Variants in KPNB1 observed in about 807,000 individuals in gnomAD.
KPNB1 encodes karyopherin subunit beta 1, also known as importin subunit beta-1.
In KPNB1, 7 loss-of-function variants were observed where a neutral mutation model predicts 113.0. The ratio of observed to expected loss-of-function variants is 0.06; its 90% CI spans 0.04 to 0.12. KPNB1 has a LOEUF of 0.12. Ranked by LOEUF, KPNB1 falls within the 10% of genes least tolerant of loss-of-function variation. KPNB1 has a pLI of 1.00. For missense variants in KPNB1, 400 were observed against 1,054.8 expected (o/e 0.38, Z 8.60); for synonymous variants, 363 against 378.6 (o/e 0.96, Z 0.48).
At chr17:47,656,374 C>T (rs1162321113) in intron 3 of KPNB1, among the ~76,000 whole-genome samples, 6 of 152,040 alleles carry the variant, frequency 3.9e-5, no homozygotes, top group Admixed American at 3.9e-4. Context: ...GGGAGACCCC[C>T]ATCTCTACTA....
intron 15 of KPNB1, 108 bp downstream of exon 15, chr17:47,674,890 C>T: frequency 2.6e-6 from 3 of 1,155,840 alleles, no homozygotes; most frequent in Non-Finnish European, 3.7e-6. Context: ...GATCTTGGCG[C>T]ACTGCAGCCT....
In KPNB1 at chr17:47,680,491, GTGTT is replaced by G; in HGVS notation, c.2469-11_2469-8del. 4.3e-6 allele frequency: 7 copies of G among 1,613,764 alleles called. No individual in the cohort carries two copies. The highest frequency in any genetic ancestry group is 5.9e-6 in the Non-Finnish European group (7 of 1,179,740). On this transcript the variant is annotated splice_polypyrimidine_tract_variant and intron_variant, in intron 20 of 21. Coordinates refer to ENST00000290158, the MANE Select transcript of KPNB1 (RefSeq NM_002265.6). ...TGGGGCTAGGAGCTCATTCTCAGCTGTGTTTGTTTTGCACAGGGACTTATGTACA... is the reference window on the plus strand; with the variant it reads ...TGGGGCTAGGAGCTCATTCTCAGCTGTGTTTTGCACAGGGACTTATGTACA...
At chr17:47,677,298 G>A (rs944048429) in intron 17 of KPNB1, among the ~76,000 whole-genome samples, 171 bp downstream of exon 17, 3 of 151,806 alleles carry the variant, frequency 2.0e-5, no homozygotes, top group African/African-American at 7.3e-5. Flanking sequence ...GTGAAACCCC[G>A]TCTGTACTGT....
chr17:47,655,165 A>G (rs896635007), intron 3 of KPNB1, among the ~76,000 whole-genome samples: 6 of 152,196 alleles, frequency 3.9e-5, no homozygotes, highest in Admixed American at 1.3e-4. Flanking sequence ...AGAACAGTTA[A>G]CTGTTTGCCT....
Position 47,674,736 on chromosome 17 carries a change from G to C in KPNB1, c.1866G>C (p.Gly622=). 1 of 1,614,152 alleles carries C rather than the reference G, an allele frequency of 6.2e-7. No individual in the cohort carries two copies. Among genetic ancestry groups the C allele is most frequent in the East Asian group, 2.2e-5 (1 of 44,876 alleles). Residue 622 remains glycine (G), a synonymous_variant, in exon 15 of 22, where the codon GGG becomes GGC. Transcript: ENST00000290158. ...TGTTCCAAAGCACAGCTGGGTCTGG[G>C]GGAGTACAAGAGGATGCCCTGATGG... ...LRMFQSTAGS[G]GVQEDALMAV...
In KPNB1 at chr17:47,652,819, A is replaced by G. The variant is rs1915616061; in HGVS notation, c.225A>G (p.Gln75=). 1.9e-6 allele frequency: 3 copies of G among 1,612,300 alleles called. No homozygotes were observed. The highest frequency in any genetic ancestry group is 1.7e-5 in the Admixed American group (1 of 59,474). The part of the protein sequence containing the change: ...LTSKDPDIKA[Q]YQQRWLAIDA... ...CTAAAGATCCAGATATCAAGGCACA[A>G]TATCAGCAGAGGTGGCTTGCTATTG... is the stretch of plus-strand genomic sequence containing the variant. Residue 75 remains glutamine, a synonymous_variant, in exon 3 of 22, where the codon CAA becomes CAG. Transcript: ENST00000290158.
intron 5 of KPNB1, among the ~76,000 whole-genome samples, chr17:47,660,184 C>A (rs114195093): frequency 6.6e-6 from 1 of 152,050 alleles, no homozygotes; most frequent in Non-Finnish European, 1.5e-5. Context: ...ACTACTCTAA[C>A]GAAATACCTT....
intron 16 of KPNB1, 27 bp from the exon 17 acceptor site, chr17:47,676,993 G>T: frequency 6.3e-7 from 1 of 1,582,294 alleles, no homozygotes; most frequent in Non-Finnish European, 8.7e-7. Flanking sequence ...TTTTCTGTTA[G>T]AAGATTATTT....
chr17:47,673,042 G>A lies in KPNB1; in HGVS notation c.1572G>A (p.Leu524=). The change falls in exon 13 of 22, where the codon CTG becomes CTA. Residue 524 remains leucine, a synonymous_variant. Transcript: ENST00000290158. ...TDRPDGHQNN[L]RSSAYESLME... Reference sequence around the variant, plus strand: ...GACCTGATGGACACCAGAACAACCTGAGGAGTTCTGCATATGAATCTCTGA... The same window carrying A: ...GACCTGATGGACACCAGAACAACCTAAGGAGTTCTGCATATGAATCTCTGA... The A allele has an allele frequency of 6.2e-7, 1 of 1,614,028 alleles. No homozygotes were observed. Among genetic ancestry groups the A allele is most frequent in the Non-Finnish European group, 8.5e-7 (1 of 1,179,934 alleles).
At chr17:47,680,363 A>G (rs1163336052) in intron 20 of KPNB1, 145 bp from the exon 21 acceptor site, 2 of 919,794 alleles carry the variant, frequency 2.2e-6, no homozygotes, top group Admixed American at 2.5e-5. Flanking sequence ...TTGGTCAACA[A>G]TTGCCTCTGT....
intron 5 of KPNB1, among the ~76,000 whole-genome samples, chr17:47,659,224 C>G (rs2143107349): frequency 6.6e-6 from 1 of 152,174 alleles, no homozygotes; most frequent in African/African-American, 2.4e-5. Context: ...TGGCGTGCGC[C>G]TGTAATCCCA....
At position 47,650,180 on chromosome 17, in the gene KPNB1, C is replaced by T. The variant is rs1375799844; in HGVS notation, c.-65C>T. 8 of 1,432,628 alleles carry T rather than the reference C, an allele frequency of 5.6e-6. No homozygotes were observed. The highest frequency in any genetic ancestry group is 7.3e-6 in the Non-Finnish European group (8 of 1,096,616). 88.7% of individuals were successfully genotyped at this position (1,432,628 alleles called of 1,614,324 possible). A position where few individuals can be genotyped will look rare whatever the true frequency, so the allele number is the denominator to read the frequency against. On this transcript the variant is annotated 5_prime_UTR_variant, in exon 1 of 22. Transcript: ENST00000290158. The stretch of plus-strand genomic sequence containing the variant: ...CGACCCCCAACCCCCATCCCCAGTT[C>T]GAGCCGCCGCCCGAAAGGCCGGGCC...
rs1197761864 is a variant in KPNB1, at chr17:47,685,194, A to G, written c.*2790A>G. ...TCAGAGGCAACTGTAATATTGCCTT[A>G]GGGACTTGTGGAGAAGGGGAATTGC... On this transcript the variant is annotated 3_prime_UTR_variant, in exon 22 of 22. Transcript: ENST00000290158. The G allele has an allele frequency of 6.6e-6, 1 of 152,232 alleles. No individual in the cohort carries two copies. Among genetic ancestry groups the G allele is most frequent in the Non-Finnish European group, 1.5e-5 (1 of 68,044 alleles). 9.4% of individuals were successfully genotyped at this position (152,232 alleles called of 1,614,324 possible). A position where few individuals can be genotyped will look rare whatever the true frequency, so the allele number is the denominator to read the frequency against.
rs1189885202 is a variant in KPNB1, at chr17:47,666,611, TTA to T, written c.999+1461_999+1462del. Among the ~76,000 whole-genome samples, 17 of 146,040 alleles carry T rather than the reference TTA, an allele frequency of 1.2e-4. No individual in the cohort carries two copies. The South Asian group carries it at 3.4e-3, about 29-fold the overall frequency. On this transcript the variant is annotated intron_variant, in intron 9 of 21. Transcript: ENST00000290158. ...CATATTATATATAATTATATATATTTTATATATATTATATATATTTATTTTTT... is the reference window on the plus strand; with the variant it reads ...CATATTATATATAATTATATATATTTTATATATTATATATATTTATTTTTT...
chr17:47,667,956 AT>A (rs2030341438), intron 9 of KPNB1, among the ~76,000 whole-genome samples: 1 of 152,032 alleles, frequency 6.6e-6, no homozygotes, highest in Non-Finnish European at 1.5e-5. Context: ...TGTAGTTGAA[AT>A]TTTTTCATTC....
intron 11 of KPNB1, 31 bp downstream of exon 11, chr17:47,669,900 A>T (rs1383943045): frequency 6.6e-7 from 1 of 1,507,798 alleles, no homozygotes; most frequent in Admixed American, 1.7e-5. Flanking sequence ...TGAGAAAAGG[A>T]GCTTGCCTGC....
chr17:47,680,143 T>C lies in KPNB1; in HGVS notation c.2468+9T>C. The C allele has an allele frequency of 1.9e-6, 3 of 1,543,090 alleles. No homozygotes were observed. The highest frequency in any genetic ancestry group is 2.2e-5 in the South Asian group (2 of 89,604). On this transcript the variant is annotated intron_variant, in intron 20 of 21. Coordinates refer to ENST00000290158, the MANE Select transcript of KPNB1 (RefSeq NM_002265.6). ...GCTGCTGGACTAATAGGGTAAGTTA[T>C]ACCCTGCTTCTAAGAGCTGAATAGA...
chr17:47,676,906 G>C lies in KPNB1; in HGVS notation c.1996-114G>C, dbSNP rs573641415. On this transcript the variant is annotated intron_variant, in intron 16 of 21. Transcript: ENST00000290158. ...GGTTGTTGAAAAATTAATCTCGGCA[G>C]AGGGATTTAACTCTAGGTTCAAGTG... The C allele has an allele frequency of 1.3e-4, 97 of 727,846 alleles. 1 individual carries two copies. The East Asian group carries it at 2.5e-3, about 19-fold the overall frequency. The allele number at this position is 727,846 out of a possible 1,614,324, so 45.1% of individuals were successfully genotyped here. A position where few individuals can be genotyped will look rare whatever the true frequency, so the allele number is the denominator to read the frequency against.
intron 13 of KPNB1, 128 bp downstream of exon 13, chr17:47,673,293 C>A: frequency 9.5e-7 from 1 of 1,053,884 alleles, no homozygotes; most frequent in Non-Finnish European, 1.4e-6. Flanking sequence ...GATAATAAAG[C>A]TTATACAAAA....
Sources: gnomAD v4.1 joint callset for allele counts (sites outside exome capture counted in the v4.1 genomes callset) on GRCh38, gnomAD v4.1.1 for gene constraint, MANE v1.5 for transcripts, NCBI Gene and HGNC (gene_info 2026-07-23, HGNC 2026-07-21) for gene names.